Variants in ADAMTS18 observed in about 807,000 individuals in gnomAD.
ADAMTS18 encodes the protein A disintegrin and metalloproteinase with thrombospondin motifs 18.
ADAMTS18 carries 157 observed loss-of-function variants against 165.9 expected under a neutral mutation model. That is an observed-to-expected ratio of 0.95 (90% CI 0.83 to 1.08). ADAMTS18 has a LOEUF of 1.08. ADAMTS18 is among the 50% of genes least tolerant of loss of function. The pLI, the probability that ADAMTS18 is intolerant of heterozygous loss-of-function variation, is 0.00. For synonymous variants in ADAMTS18, 782 were observed against 578.2 expected, an observed-to-expected ratio of 1.35 and a Z score of -5.06; for missense variants, 2,040 against 1,534.0, an observed-to-expected ratio of 1.33 and a Z score of -5.51.
Position 77,300,344 on chromosome 16 carries a change from T to G in ADAMTS18, c.2593A>C (p.Asn865His), listed in dbSNP as rs754526481. Reference protein sequence around the residue: ...AWKYALPKVMNGTPPATKRPA... With the variant: ...AWKYALPKVMHGTPPATKRPA... ...CTTTTTGTGGCTGGTGGAGTTCCAT[T>G]CATGACCTTGGGAAGTGCATACTTC... The change falls in exon 17 of 23, where the codon AAT becomes CAT. Residue 865 changes from asparagine (N) to histidine (H), a missense_variant. Transcript: ENST00000282849. 7 of 1,614,078 alleles carry G rather than the reference T, an allele frequency of 4.3e-6. No individual in the cohort carries two copies. In the Admixed American group the frequency reaches 6.7e-5, roughly 15 times the overall value.
chr16:77,406,046 A>AC (rs1403341384), intron 3 of ADAMTS18, among the ~76,000 whole-genome samples: 2 of 152,190 alleles, frequency 1.3e-5, no homozygotes, highest in African/African-American at 4.8e-5. Flanking sequence ...TAACTTTGAT[A>AC]CCCAAACCTG....
At chr16:77,431,262 G>C in intron 3 of ADAMTS18, 33 bp downstream of exon 3, 1 of 1,612,966 alleles carries the variant, frequency 6.2e-7, no homozygotes, top group Non-Finnish European at 8.5e-7. Flanking sequence ...AAACACGAAA[G>C]AGGGAGCTCA....
rs201900020 is a variant in ADAMTS18, at chr16:77,364,347, T to G, written c.813A>C (p.Leu271=). 2.3e-4 allele frequency: 379 copies of G among 1,613,752 alleles called. No individual in the cohort carries two copies. Among genetic ancestry groups the G allele is most frequent in the Non-Finnish European group, 3.1e-4 (360 of 1,179,970 alleles). Residue 271 remains leucine, a synonymous_variant, in exon 5 of 23, where the codon CTA becomes CTC. Transcript: ENST00000282849. The part of the protein sequence containing the change: ...APKPPTEDTY[L]RFDEYGSSGR... ...CAGAGCTCCCATATTCATCAAACCT[T>G]AGATAGGTGTCCTCTGTGGGAGGCT... is the stretch of plus-strand genomic sequence containing the variant.
intron 3 of ADAMTS18, among the ~76,000 whole-genome samples, chr16:77,401,043 G>T (rs556078741): frequency 6.6e-6 from 1 of 152,038 alleles, no homozygotes; most frequent in South Asian, 2.1e-4. Flanking sequence ...ATCACCTGAG[G>T]TCAGGAGTTT....
At chr16:77,288,435 G>A (rs1321738423) in intron 22 of ADAMTS18, among the ~76,000 whole-genome samples, 7 of 151,598 alleles carry the variant, frequency 4.6e-5, no homozygotes, top group East Asian at 1.9e-4. Flanking sequence ...TCTTTAGCAC[G>A]AGGCAAGCAG....
intron 11 of ADAMTS18, among the ~76,000 whole-genome samples, chr16:77,339,614 A>G (rs2056368425): frequency 6.6e-6 from 1 of 151,948 alleles, no homozygotes; most frequent in African/African-American, 2.4e-5. Context: ...AAAAAACAAA[A>G]CACTAATCCT....
At chr16:77,425,704 C>T (rs1227522499) in intron 3 of ADAMTS18, among the ~76,000 whole-genome samples, 1 of 152,128 alleles carries the variant, frequency 6.6e-6, no homozygotes, top group Non-Finnish European at 1.5e-5. Context: ...TTAGCGTGAA[C>T]CGCAGAACCC....
At chr16:77,372,810 C>G (rs1246538258) in intron 3 of ADAMTS18, among the ~76,000 whole-genome samples, 2 of 152,150 alleles carry the variant, frequency 1.3e-5, no homozygotes, top group African/African-American at 4.8e-5. Context: ...TGGACACTTT[C>G]TATTGACGTC....
chr16:77,396,618 A>C (rs1360685991), intron 3 of ADAMTS18, among the ~76,000 whole-genome samples: 1 of 152,194 alleles, frequency 6.6e-6, no homozygotes, highest in African/African-American at 2.4e-5. Context: ...AAACCTGCAG[A>C]GAGGAAGTTC....
chr16:77,426,128 CAT>C (rs1353422012), intron 3 of ADAMTS18, among the ~76,000 whole-genome samples: 2 of 152,100 alleles, frequency 1.3e-5, no homozygotes, highest in African/African-American at 4.8e-5. Flanking sequence ...CTTCACAATG[CAT>C]ATTAGTGTAT....
chr16:77,322,396 C>A lies in ADAMTS18; in HGVS notation c.2103G>T (p.Val701=), dbSNP rs759126911. ...TTGGGGAGCAGGGAGTTCCATCTTT[C>A]ACTTTGCCGGACATTGCAAAAAAAA... The part of the protein sequence containing the change: ...FEFFFAMSGK[V]KDGTPCSPNK... Residue 701 remains valine (V), a synonymous_variant, in exon 14 of 23, where the codon GTG becomes GTT. Transcript: ENST00000282849. 2.5e-6 allele frequency: 4 copies of A among 1,614,054 alleles called. No individual in the cohort carries two copies. The highest frequency in any genetic ancestry group is 2.2e-5 in the East Asian group (1 of 44,862).
intron 12 of ADAMTS18, among the ~76,000 whole-genome samples, 171 bp downstream of exon 12, chr16:77,335,585 T>C (rs774420331): frequency 3.9e-5 from 6 of 152,162 alleles, no homozygotes; most frequent in Non-Finnish European, 7.4e-5. Flanking sequence ...TCATTCCACA[T>C]TGTATAGTTG....
chr16:77,355,238 C>T (rs1351521268), intron 9 of ADAMTS18, among the ~76,000 whole-genome samples: 1 of 73,214 alleles, frequency 1.4e-5, no homozygotes, highest in Admixed American at 1.2e-4. Flanking sequence ...GTGTGTATTT[C>T]AACTTTGGGT....
At chr16:77,428,400 G>C (rs1490826809) in intron 3 of ADAMTS18, among the ~76,000 whole-genome samples, 2 of 152,096 alleles carry the variant, frequency 1.3e-5, no homozygotes, top group Non-Finnish European at 1.5e-5. Flanking sequence ...CAATGTCTAA[G>C]AAAATGTAAA....
chr16:77,369,688 C>A (rs1484173306), intron 3 of ADAMTS18, among the ~76,000 whole-genome samples: 1 of 152,178 alleles, frequency 6.6e-6, no homozygotes, highest in Non-Finnish European at 1.5e-5. Flanking sequence ...AATACCAATC[C>A]TTTGCAAACT....
chr16:77,287,099 A>G (rs548859227), intron 22 of ADAMTS18, among the ~76,000 whole-genome samples: 2 of 152,248 alleles, frequency 1.3e-5, no homozygotes, highest in South Asian at 2.1e-4. Context: ...GTCTAGTTTA[A>G]GTGACTACAA....
chr16:77,434,346 T>C, intron 2 of ADAMTS18, 72 bp downstream of exon 2: 1 of 1,515,290 alleles, frequency 6.6e-7, no homozygotes, highest in East Asian at 2.4e-5. Context: ...TTCCATCTTT[T>C]CTCTCTTTGG....
chr16:77,285,275 T>G (rs1454444419), intron 22 of ADAMTS18, among the ~76,000 whole-genome samples: 1 of 152,164 alleles, frequency 6.6e-6, no homozygotes, highest in Non-Finnish European at 1.5e-5. Flanking sequence ...TGTATTCAAA[T>G]GGTTCTCCTG....
intron 16 of ADAMTS18, among the ~76,000 whole-genome samples, chr16:77,318,470 A>T (rs908724423): frequency 1.3e-5 from 2 of 152,166 alleles, no homozygotes; most frequent in African/African-American, 4.8e-5. Context: ...CGGTTTTCTC[A>T]TCTGTACAAT....
Sources: gnomAD v4.1 joint callset for allele counts (sites outside exome capture counted in the v4.1 genomes callset) on GRCh38, gnomAD v4.1.1 for gene constraint, MANE v1.5 for transcripts, NCBI Gene and HGNC (gene_info 2026-07-23, HGNC 2026-07-21) for gene names.